Variants in GRIP1 observed in about 807,000 individuals in gnomAD.
GRIP1 encodes the protein glutamate receptor interacting protein 1.
Under a neutral mutation model 129.9 loss-of-function variants are expected in GRIP1, and 45 were observed. The observed-to-expected ratio is 0.35, with a 90% CI of 0.27 to 0.44. GRIP1 has a LOEUF of 0.44. GRIP1 is among the 20% of genes least tolerant of loss of function. GRIP1 has a pLI of 1.00. For synonymous variants in GRIP1, 530 were observed against 520.8 expected (o/e 1.02, Z -0.24); for missense variants, 1,196 against 1,396.8 (o/e 0.86, Z 2.29).
At chr12:66,815,784 C>A (rs12315192) in intron 1 of GRIP1, among the ~76,000 whole-genome samples, 23,721 of 148,150 alleles carry the variant, frequency 0.16, 2,002 homozygotes, top group East Asian at 0.39. Context: ...AACAAACAAA[C>A]AAAAAAAATG....
chr12:66,991,423 C>A (rs1020091482), intron 1 of GRIP1, among the ~76,000 whole-genome samples: 1 of 152,164 alleles, frequency 6.6e-6, no homozygotes, highest in Admixed American at 6.5e-5. Flanking sequence ...GGCATTGCCA[C>A]AGCAGGCAGG....
intron 23 of GRIP1, among the ~76,000 whole-genome samples, chr12:66,355,039 C>T (rs2054413193): frequency 1.3e-5 from 2 of 152,190 alleles, no homozygotes; most frequent in Admixed American, 6.5e-5. Context: ...TGGTTCTATT[C>T]TCCTGCCACT....
At chr12:66,874,067 C>T (rs1252285) in intron 1 of GRIP1, among the ~76,000 whole-genome samples, 135,380 of 152,124 alleles carry the variant, frequency 0.89, 62,414 homozygotes, top group East Asian at 1. Context: ...GGTGGAGATA[C>T]GTGCTGTTTT....
chr12:66,771,771 G>A (rs1016455166), intron 1 of GRIP1, among the ~76,000 whole-genome samples: 3 of 152,166 alleles, frequency 2.0e-5, no homozygotes, highest in Non-Finnish European at 4.4e-5. Flanking sequence ...AATAAGAAAT[G>A]TTATTTTACT....
intron 16 of GRIP1, among the ~76,000 whole-genome samples, chr12:66,399,037 G>A (rs78159965): frequency 6.6e-6 from 1 of 151,956 alleles, no homozygotes; most frequent in African/African-American, 2.4e-5. Context: ...TGTAGTCATT[G>A]GTTCCCAGGC....
rs188509007 is a variant in GRIP1 at position 66,901,259 on chromosome 12, C to G, written c.58+167791G>C. ...AAGAAAGAATGAAACCAGTAAACATCTGCAATTTCACATGATGAGGGGAAC... is the reference window on the plus strand; with the variant it reads ...AAGAAAGAATGAAACCAGTAAACATGTGCAATTTCACATGATGAGGGGAAC... On this transcript the variant is annotated intron_variant, in intron 1 of 1. Coordinates refer to the GRIP1 transcript ENST00000643019. Among the ~76,000 whole-genome samples, 154 of 152,324 alleles carry G rather than the reference C, an allele frequency of 1.0e-3. 1 individual carries two copies. The highest frequency in any genetic ancestry group is 3.4e-3 in the African/African-American group (143 of 41,570).
chr12:66,444,864 A>G, intron 12 of GRIP1, 135 bp from the exon 13 acceptor site: 1 of 843,026 alleles, frequency 1.2e-6, no homozygotes. Context: ...TGTGGGCATC[A>G]TATAGGTCAA....
At chr12:66,554,484 T>C (rs2062251368) in intron 2 of GRIP1, among the ~76,000 whole-genome samples, 1 of 151,926 alleles carries the variant, frequency 6.6e-6, no homozygotes, top group Non-Finnish European at 1.5e-5. Context: ...GTGGTGGCCA[T>C]GAGGAAAGAC....
intron 1 of GRIP1, among the ~76,000 whole-genome samples, chr12:66,832,824 G>GT (rs2039542196): frequency 6.6e-6 from 1 of 152,194 alleles, no homozygotes; most frequent in African/African-American, 2.4e-5. Flanking sequence ...AAGTGCATCA[G>GT]TGACTGTAAA....
intron 2 of GRIP1, among the ~76,000 whole-genome samples, chr12:66,550,558 A>C (rs1424990652): frequency 6.6e-6 from 1 of 152,232 alleles, no homozygotes; most frequent in Non-Finnish European, 1.5e-5. Flanking sequence ...GCATTATTTC[A>C]GGGGAATTCA....
chr12:66,827,387 T>TGTGTGTGTGAGAGAGA (rs755458052), intron 1 of GRIP1, among the ~76,000 whole-genome samples: 1,603 of 108,176 alleles, frequency 0.015, 21 homozygotes, highest in Non-Finnish European at 0.022. Context: ...TGTGTGTGTG[T>TGTGTGTGTGAGAGAGA]GAGAGAGAGA....
chr12:66,946,990 A>G (rs772498145), intron 1 of GRIP1, among the ~76,000 whole-genome samples: 20 of 151,512 alleles, frequency 1.3e-4, no homozygotes, highest in Non-Finnish European at 2.7e-4. Flanking sequence ...GTTGTGGTGA[A>G]CCGAGATCGC....
rs552619528 is a variant in GRIP1 at position 66,943,873 on chromosome 12, TA to T, written c.58+125176del. On this transcript the variant is annotated intron_variant, in intron 1 of 1. Coordinates refer to the GRIP1 transcript ENST00000643019. The stretch of plus-strand genomic sequence containing the variant: ...GTTGCTAAGTTCCCTCTGTATCAGT[TA>T]GAAGCAGGCAGCAGAGTCCTATATA... 2.2e-3 allele frequency among the ~76,000 whole-genome samples: 329 copies of T among 152,344 alleles called. 2 individuals carry two copies. The highest frequency in any genetic ancestry group is 7.2e-3 in the African/African-American group (300 of 41,578).
intron 1 of GRIP1, among the ~76,000 whole-genome samples, chr12:66,819,814 C>T (rs1161040983): frequency 2.6e-5 from 4 of 151,814 alleles, no homozygotes; most frequent in African/African-American, 9.7e-5. Flanking sequence ...ATAGGGCAAA[C>T]CACTGCCCAC....
At chr12:66,773,540 C>T (rs2037886802) in intron 1 of GRIP1, among the ~76,000 whole-genome samples, 1 of 152,060 alleles carries the variant, frequency 6.6e-6, no homozygotes, top group Non-Finnish European at 1.5e-5. Flanking sequence ...GGGATCATCA[C>T]ACACCAGAGC....
intron 1 of GRIP1, among the ~76,000 whole-genome samples, chr12:66,657,281 TC>T (rs201780563): frequency 0.019 from 2,867 of 151,384 alleles, 87 homozygotes; most frequent in African/African-American, 0.066. Context: ...AGGAGGACCC[TC>T]CCCACCACCC....
intron 1 of GRIP1, among the ~76,000 whole-genome samples, chr12:66,962,451 G>A (rs17247841): frequency 0.06 from 9,057 of 152,152 alleles, 400 homozygotes; most frequent in East Asian, 0.15. Context: ...CCTTTGCAAC[G>A]TGCCTGTCTT....
chr12:66,926,739 A>T (rs1451221157), intron 1 of GRIP1, among the ~76,000 whole-genome samples: 2 of 152,230 alleles, frequency 1.3e-5, no homozygotes, highest in African/African-American at 4.8e-5. Context: ...GCTACACACA[A>T]GCTGACTCTC....
At chr12:66,822,030 A>ATG (rs1301940839) in intron 1 of GRIP1, among the ~76,000 whole-genome samples, 9 of 150,038 alleles carry the variant, frequency 6.0e-5, no homozygotes, top group Non-Finnish European at 1.2e-4. Context: ...GTGTATGTGT[A>ATG]TGTGTGTATG....
Sources: gnomAD v4.1 joint callset for allele counts (sites outside exome capture counted in the v4.1 genomes callset) on GRCh38, gnomAD v4.1.1 for gene constraint, MANE v1.5 for transcripts, NCBI Gene and HGNC (gene_info 2026-07-23, HGNC 2026-07-21) for gene names.